C8orf88: variants seen among roughly 807,000 people sequenced by gnomAD.
The protein encoded by C8orf88 is chromosome 8 open reading frame 88.
Under a neutral mutation model 18.4 loss-of-function variants are expected in C8orf88, and 14 were observed. The observed-to-expected ratio is 0.76, with a 90% CI of 0.50 to 1.19. The LOEUF (loss-of-function observed/expected upper bound fraction) is 1.19, where lower values mean the gene tolerates loss of function less well. Ranked by LOEUF, C8orf88 falls within the 50% of genes most tolerant of loss-of-function variation. The pLI is 0.00. For synonymous variants in C8orf88, 45 were observed against 42.9 expected (o/e 1.05, Z -0.19); for missense variants, 116 against 134.7 (o/e 0.86, Z 0.69).
chr8:90,983,684 C>T (rs749566789), intron 1 of C8orf88, among the ~76,000 whole-genome samples: 7 of 151,950 alleles, frequency 4.6e-5, no homozygotes, highest in African/African-American at 7.3e-5. Context: ...CATATATGAA[C>T]GGTGGAAGAA....
chr8:90,966,645 T>G (rs1002494648), intron 4 of C8orf88, among the ~76,000 whole-genome samples: 1 of 151,038 alleles, frequency 6.6e-6, no homozygotes, highest in African/African-American at 2.4e-5. Flanking sequence ...AAAAAATGAC[T>G]CAAATTACTA....
intron 5 of C8orf88, 139 bp from the exon 6 acceptor site, chr8:90,959,169 C>A: frequency 2.3e-6 from 1 of 439,530 alleles, no homozygotes. Context: ...ATTAAAGTAA[C>A]TAGAACTGTC....
intron 2 of C8orf88, 74 bp downstream of exon 2, chr8:90,980,289 A>G: frequency 2.3e-6 from 2 of 884,526 alleles, no homozygotes; most frequent in Non-Finnish European, 3.2e-6. Flanking sequence ...TACTTTATAT[A>G]TTATTTAGCT....
intron 4 of C8orf88, 143 bp downstream of exon 4, chr8:90,970,923 C>CCTGA: frequency 2.1e-6 from 1 of 475,838 alleles, no homozygotes; most frequent in South Asian, 4.6e-5. Flanking sequence ...AAAGTGGTAG[C>CCTGA]CTGACTCATA....
At chr8:90,984,123 ATACT>A (rs969729457) in intron 1 of C8orf88, among the ~76,000 whole-genome samples, 1 of 152,194 alleles carries the variant, frequency 6.6e-6, no homozygotes, top group Non-Finnish European at 1.5e-5. Flanking sequence ...GCTGAGTACT[ATACT>A]TAAACTCCAA....
At chr8:90,978,540 T>G in intron 3 of C8orf88, 39 bp downstream of exon 3, 1 of 1,289,328 alleles carries the variant, frequency 7.8e-7, no homozygotes, top group Non-Finnish European at 1.1e-6. Flanking sequence ...TACTTTCCAA[T>G]CTATAATATT....
chr8:90,965,328 T>C (rs550361682), intron 4 of C8orf88, among the ~76,000 whole-genome samples: 2 of 151,708 alleles, frequency 1.3e-5, no homozygotes, highest in South Asian at 4.1e-4. Flanking sequence ...CAAGAAGATA[T>C]AAGAATTGTA....
intron 3 of C8orf88, among the ~76,000 whole-genome samples, chr8:90,975,283 T>C (rs1028616754): frequency 3.9e-5 from 6 of 152,086 alleles, no homozygotes; most frequent in African/African-American, 1.4e-4. Context: ...CAAGACATCA[T>C]AAAGCTACAG....
chr8:90,981,406 C>G (rs535752666), intron 1 of C8orf88, among the ~76,000 whole-genome samples: 3 of 152,318 alleles, frequency 2.0e-5, no homozygotes, highest in Admixed American at 1.3e-4. Flanking sequence ...ACTATCTCTG[C>G]TGCTCTTCTT....
chr8:90,977,973 G>A (rs376885737), intron 3 of C8orf88, among the ~76,000 whole-genome samples: 54 of 151,036 alleles, frequency 3.6e-4, no homozygotes, highest in African/African-American at 1.3e-3. Flanking sequence ...CAAAACAAAA[G>A]ACAGAGAGAG....
chr8:90,960,472 GA>G (rs1811109728), intron 5 of C8orf88, among the ~76,000 whole-genome samples: 1 of 151,150 alleles, frequency 6.6e-6, no homozygotes, highest in South Asian at 2.1e-4. Context: ...TAATTTAATT[GA>G]AAAAATAAAA....
intron 4 of C8orf88, among the ~76,000 whole-genome samples, chr8:90,968,779 C>G (rs1472076085): frequency 1.4e-5 from 2 of 147,080 alleles, no homozygotes; most frequent in African/African-American, 5.0e-5. Context: ...AATAACAAAA[C>G]AACTCAATAA....
intron 4 of C8orf88, 126 bp downstream of exon 4, chr8:90,970,940 G>T (rs1811272307): frequency 1.8e-6 from 1 of 542,510 alleles, no homozygotes; most frequent in Non-Finnish European, 3.0e-6. Context: ...CATATAGATA[G>T]AAATCAATCA....
At chr8:90,968,719 A>G (rs982004792) in intron 4 of C8orf88, among the ~76,000 whole-genome samples, 1 of 136,020 alleles carries the variant, frequency 7.4e-6, no homozygotes, top group Non-Finnish European at 1.6e-5. Context: ...GGCAGGAAGG[A>G]GAATAATAGA....
chr8:90,969,916 T>G (rs1811259999), intron 4 of C8orf88, among the ~76,000 whole-genome samples: 1 of 151,794 alleles, frequency 6.6e-6, no homozygotes. Context: ...TAGTCCATAT[T>G]GGAATAGGAT....
intron 4 of C8orf88, among the ~76,000 whole-genome samples, chr8:90,965,503 T>C (rs1282236283): frequency 2.0e-5 from 3 of 151,718 alleles, no homozygotes; most frequent in Non-Finnish European, 2.9e-5. Flanking sequence ...ACAACCCAAC[T>C]AACCTAATTA....
chr8:90,966,854 T>C (rs1231274028), intron 4 of C8orf88, among the ~76,000 whole-genome samples: 1 of 151,924 alleles, frequency 6.6e-6, no homozygotes. Context: ...AGAAGTGGCA[T>C]CTTGCTGATG....
chr8:90,960,866 C>T lies in C8orf88; in HGVS notation c.224-18G>A. On this transcript the variant is annotated intron_variant, in intron 4 of 5. Coordinates refer to ENST00000517562, the MANE Select transcript of C8orf88 (RefSeq NM_001190972.2). ...AATTCTCTCTGTAGATATTAAACATCAAATATAATGTTAGGAAATGTAGGG... is the reference window on the plus strand; with the variant it reads ...AATTCTCTCTGTAGATATTAAACATTAAATATAATGTTAGGAAATGTAGGG... 7.2e-7 allele frequency: 1 copy of T among 1,398,482 alleles called. No individual in the cohort carries two copies. The highest frequency in any genetic ancestry group is 9.8e-7 in the Non-Finnish European group (1 of 1,023,060). 86.6% of individuals were successfully genotyped at this position (1,398,482 alleles called of 1,614,324 possible). A position where few individuals can be genotyped will look rare whatever the true frequency, so the allele number is the denominator to read the frequency against.
At chr8:90,961,824 TA>T (rs1405335633) in intron 4 of C8orf88, among the ~76,000 whole-genome samples, 1 of 151,498 alleles carries the variant, frequency 6.6e-6, no homozygotes, top group Non-Finnish European at 1.5e-5. Context: ...TTTTTATTTA[TA>T]AAAACAGGAA....
Sources: gnomAD v4.1 joint callset for allele counts (sites outside exome capture counted in the v4.1 genomes callset) on GRCh38, gnomAD v4.1.1 for gene constraint, MANE v1.5 for transcripts, NCBI Gene and HGNC (gene_info 2026-07-23, HGNC 2026-07-21) for gene names.